Variants in CACNB4 observed in about 807,000 individuals in gnomAD.
CACNB4 encodes voltage-dependent L-type calcium channel subunit beta-4.
CACNB4 carries 32 observed loss-of-function variants against 71.2 expected under a neutral mutation model. The observed-to-expected ratio is 0.45, with a 90% CI of 0.34 to 0.60. CACNB4 has a LOEUF of 0.60. Among genes scored for constraint, CACNB4 ranks in the 20% least tolerant of loss-of-function variants. The pLI is 0.01. For synonymous variants in CACNB4, 231 were observed against 236.9 expected (o/e 0.97, Z 0.23); for missense variants, 464 against 647.9 (o/e 0.72, Z 3.08).
At chr2:151,899,779 A>T (rs2099852939) in intron 2 of CACNB4, among the ~76,000 whole-genome samples, 1 of 152,142 alleles carries the variant, frequency 6.6e-6, no homozygotes. Context: ...ATGCAATTCA[A>T]ATTGACAAAT....
intron 2 of CACNB4, among the ~76,000 whole-genome samples, chr2:151,941,006 A>G (rs564453656): frequency 6.6e-6 from 1 of 152,338 alleles, no homozygotes; most frequent in African/African-American, 2.4e-5. Context: ...CTCTGTCTCT[A>G]TGGCATGGGA....
intron 2 of CACNB4, among the ~76,000 whole-genome samples, chr2:152,016,384 T>C (rs1054761880): frequency 1.3e-5 from 2 of 152,250 alleles, no homozygotes; most frequent in South Asian, 2.1e-4. Flanking sequence ...CAGGTTGCCA[T>C]AGAAACCAGT....
chr2:152,035,145 C>T (rs1031371486), intron 2 of CACNB4, among the ~76,000 whole-genome samples: 2 of 152,208 alleles, frequency 1.3e-5, no homozygotes, highest in Non-Finnish European at 2.9e-5. Context: ...ACATCAACTC[C>T]ACCATGTTAC....
At chr2:151,869,444 G>T in intron 8 of CACNB4, 1 of 499,638 alleles carries the variant, frequency 2.0e-6, no homozygotes, top group South Asian at 3.1e-5. Context: ...TCTCCTCCAG[G>T]GTGTTGAGGA....
At chr2:151,862,751 G>C (rs2099842055) in intron 9 of CACNB4, among the ~76,000 whole-genome samples, 1 of 152,190 alleles carries the variant, frequency 6.6e-6, no homozygotes, top group East Asian at 1.9e-4. Context: ...ACAGAAAGCT[G>C]CACATGGTTA....
At chr2:151,964,824 C>G (rs1185191862) in intron 2 of CACNB4, among the ~76,000 whole-genome samples, 1 of 152,098 alleles carries the variant, frequency 6.6e-6, no homozygotes, top group African/African-American at 2.4e-5. Context: ...GTGGTCTTTT[C>G]TTTTTGAAAT....
In CACNB4 at chr2:151,834,216, T is replaced by C. The variant is rs2099834400; in HGVS notation, c.*4903A>G. On this transcript the variant is annotated 3_prime_UTR_variant, in exon 14 of 14. Transcript: ENST00000539935. ...TCTTAGTTCCCCTTGTAACTCCTTA[T>C]AATTTTCAAATGAGGAAGTATCAGT... 1 of 152,090 alleles carries C rather than the reference T, an allele frequency of 6.6e-6. No homozygotes were observed. Among genetic ancestry groups the C allele is most frequent in the Non-Finnish European group, 1.5e-5 (1 of 67,894 alleles). The allele number at this position is 152,090 out of a possible 1,614,324, so 9.4% of individuals were successfully genotyped here. A position where few individuals can be genotyped will look rare whatever the true frequency, so the allele number is the denominator to read the frequency against.
chr2:151,972,327 T>G (rs377659345), intron 2 of CACNB4: 72 of 152,350 alleles, frequency 4.7e-4, no homozygotes, highest in African/African-American at 1.7e-3. Flanking sequence ...GTTTCATAAC[T>G]GAGTGAGCAG....
chr2:152,077,824 A>G (rs923095861), intron 2 of CACNB4, among the ~76,000 whole-genome samples: 6 of 152,210 alleles, frequency 3.9e-5, no homozygotes, highest in African/African-American at 1.2e-4. Context: ...CAGGAGTTAT[A>G]TCACTGCAGA....
intron 2 of CACNB4, among the ~76,000 whole-genome samples, chr2:152,055,284 T>C (rs945660161): frequency 2.0e-5 from 3 of 152,224 alleles, no homozygotes; most frequent in Non-Finnish European, 4.4e-5. Context: ...AATGCTGGGA[T>C]TACAGGTGTG....
At chr2:151,900,420 G>C (rs1449658143) in intron 2 of CACNB4, among the ~76,000 whole-genome samples, 1 of 152,192 alleles carries the variant, frequency 6.6e-6, no homozygotes, top group Non-Finnish European at 1.5e-5. Context: ...TGATCTGCTG[G>C]GGGCAGAGAA....
chr2:152,029,507 A>AG (rs545046826), intron 2 of CACNB4, among the ~76,000 whole-genome samples: 36 of 104,768 alleles, frequency 3.4e-4, no homozygotes, highest in African/African-American at 7.6e-4. Context: ...AAAAAAAAAA[A>AG]AAAAGAAAAG....
At chr2:151,992,871 G>T (rs946183506) in intron 2 of CACNB4, among the ~76,000 whole-genome samples, 1 of 152,220 alleles carries the variant, frequency 6.6e-6, no homozygotes, top group Admixed American at 6.5e-5. Context: ...GTTAAGCCAT[G>T]TCACTAAAGA....
chr2:151,900,300 G>T (rs143134461), intron 2 of CACNB4, among the ~76,000 whole-genome samples: 2 of 152,188 alleles, frequency 1.3e-5, no homozygotes, highest in Non-Finnish European at 2.9e-5. Context: ...AAAAAGAAAC[G>T]AAGGTTACTG....
intron 2 of CACNB4, among the ~76,000 whole-genome samples, chr2:151,929,183 G>A (rs988791248): frequency 2.6e-5 from 4 of 151,616 alleles, no homozygotes; most frequent in Non-Finnish European, 1.5e-5. Context: ...GAACCAAGAG[G>A]AGACACTATC....
At chr2:151,974,100 C>T (rs2099873325) in intron 2 of CACNB4, 1 of 324,022 alleles carries the variant, frequency 3.1e-6, no homozygotes, top group Non-Finnish European at 4.6e-6. Context: ...CTTCCTGTTT[C>T]GCCTGTATTG....
chr2:152,067,000 G>T (rs1450947148), intron 2 of CACNB4, among the ~76,000 whole-genome samples: 1 of 123,184 alleles, frequency 8.1e-6, no homozygotes, highest in African/African-American at 3.1e-5. Flanking sequence ...GTTTTGGGGT[G>T]GGGGGAGGGG....
At chr2:152,077,351 G>A (rs1687089174) in intron 2 of CACNB4, among the ~76,000 whole-genome samples, 5 of 152,148 alleles carry the variant, frequency 3.3e-5, no homozygotes, top group African/African-American at 9.6e-5. Context: ...TCAAGAGTTC[G>A]AGACCAGCCT....
chr2:151,883,718 A>C, intron 2 of CACNB4: 5 of 321,228 alleles, frequency 1.6e-5, no homozygotes, highest in South Asian at 1.4e-4. Flanking sequence ...TTGCATATAC[A>C]TCTAAAGGAA....
Sources: gnomAD v4.1 joint callset for allele counts (sites outside exome capture counted in the v4.1 genomes callset) on GRCh38, gnomAD v4.1.1 for gene constraint, MANE v1.5 for transcripts, NCBI Gene and HGNC (gene_info 2026-07-23, HGNC 2026-07-21) for gene names.